Variants in ARHGAP24 observed in about 807,000 individuals in gnomAD.
ARHGAP24 encodes the protein Rho GTPase activating protein 24.
ARHGAP24 carries 50 observed loss-of-function variants against 76.4 expected under a neutral mutation model. The ratio of observed to expected loss-of-function variants is 0.65; its 90% CI spans 0.52 to 0.83. The LOEUF is 0.83. ARHGAP24 is among the 40% of genes least tolerant of loss of function. The pLI, the probability that ARHGAP24 is intolerant of heterozygous loss-of-function variation, is 0.00. For missense variants in ARHGAP24, 930 were observed against 914.2 expected, an observed-to-expected ratio of 1.02 and a Z score of -0.22; for synonymous variants, 345 against 323.3, an observed-to-expected ratio of 1.07 and a Z score of -0.72.
intron 3 of ARHGAP24, among the ~76,000 whole-genome samples, chr4:85,899,247 T>C (rs1457458371): frequency 6.6e-6 from 1 of 152,198 alleles, no homozygotes; most frequent in Non-Finnish European, 1.5e-5. Flanking sequence ...ATTAGATAGA[T>C]AGCTTGAAAT....
chr4:85,918,869 C>T (rs1054007312), intron 3 of ARHGAP24, among the ~76,000 whole-genome samples: 3 of 152,032 alleles, frequency 2.0e-5, no homozygotes, highest in Admixed American at 1.3e-4. Flanking sequence ...AGCATTGCTA[C>T]CAACAAGAGT....
intron 1 of ARHGAP24, among the ~76,000 whole-genome samples, chr4:85,498,512 G>A (rs1446206341): frequency 1.3e-5 from 2 of 152,206 alleles, no homozygotes; most frequent in African/African-American, 2.4e-5. Context: ...GCTCAGCCTC[G>A]TGCTGAACAG....
At chr4:85,808,857 T>C (rs1728898158) in intron 3 of ARHGAP24, among the ~76,000 whole-genome samples, 1 of 152,210 alleles carries the variant, frequency 6.6e-6, no homozygotes, top group East Asian at 1.9e-4. Flanking sequence ...AAAAAAAGTT[T>C]TCTTTGATGA....
intron 3 of ARHGAP24, among the ~76,000 whole-genome samples, chr4:85,793,844 C>T (rs1728231742): frequency 6.6e-6 from 1 of 152,084 alleles, no homozygotes; most frequent in African/African-American, 2.4e-5. Flanking sequence ...ATTTGTGATT[C>T]ATTGTAAGCA....
intron 3 of ARHGAP24, among the ~76,000 whole-genome samples, chr4:85,803,283 G>A (rs1728651249): frequency 6.6e-6 from 1 of 152,176 alleles, no homozygotes; most frequent in Non-Finnish European, 1.5e-5. Flanking sequence ...ACCAATTGAG[G>A]TTTCAGTGTA....
At chr4:85,880,808 A>T (rs1733210578) in intron 3 of ARHGAP24, among the ~76,000 whole-genome samples, 1 of 152,088 alleles carries the variant, frequency 6.6e-6, no homozygotes, top group Non-Finnish European at 1.5e-5. Context: ...CGATTACAGG[A>T]ATGCATAACT....
At chr4:85,484,075 G>T (rs1195253242) in intron 1 of ARHGAP24, among the ~76,000 whole-genome samples, 2 of 152,212 alleles carry the variant, frequency 1.3e-5, no homozygotes, top group Non-Finnish European at 2.9e-5. Flanking sequence ...TCCAGTGTTT[G>T]TGTGACTTCA....
At chr4:85,526,433 C>T (rs1724999494) in intron 1 of ARHGAP24, among the ~76,000 whole-genome samples, 2 of 149,950 alleles carry the variant, frequency 1.3e-5, no homozygotes, top group Admixed American at 6.6e-5. Flanking sequence ...TTTTTTTACA[C>T]TTCAATAGAG....
intron 3 of ARHGAP24, among the ~76,000 whole-genome samples, chr4:85,889,601 A>G (rs1264815658): frequency 2.0e-5 from 3 of 152,212 alleles, no homozygotes; most frequent in South Asian, 4.1e-4. Flanking sequence ...ATATTCATAC[A>G]TCTTCTTTCC....
At position 86,002,405 on chromosome 4, in the gene ARHGAP24, C is replaced by T. The variant is rs564392022; in HGVS notation, c.*1683C>T. ...AACCAGTTACTTCCACCTGGACATA[C>T]GATAGGAAATTCAAACTCAAAATAT... On this transcript the variant is annotated 3_prime_UTR_variant, in exon 10 of 10. Transcript: ENST00000395184. 3 of 152,252 alleles carry T rather than the reference C, an allele frequency of 2.0e-5. No homozygotes were observed. Among genetic ancestry groups the T allele is most frequent in the South Asian group, 2.1e-4 (1 of 4,820 alleles). 9.4% of individuals were successfully genotyped at this position (152,252 alleles called of 1,614,324 possible).
rs375304721 is a variant in ARHGAP24 at position 85,598,129 on chromosome 4, A to AG, written c.180+27409dup. ...GCCACACTATAAAGCAAAAAAATATAGAAACATCATGACTTCTCAAAAGAT... is the reference window on the plus strand; with the variant it reads ...GCCACACTATAAAGCAAAAAAATATAGGAAACATCATGACTTCTCAAAAGAT... On this transcript the variant is annotated intron_variant, in intron 2 of 9. Coordinates refer to ENST00000395184, the MANE Select transcript of ARHGAP24 (RefSeq NM_001025616.3). 2.9e-3 allele frequency among the ~76,000 whole-genome samples: 435 copies of AG among 152,222 alleles called. 1 individual carries two copies. Among genetic ancestry groups the AG allele is most frequent in the African/African-American group, 9.9e-3 (410 of 41,562 alleles).
At chr4:85,936,734 T>C (rs1736656961) in intron 4 of ARHGAP24, among the ~76,000 whole-genome samples, 1 of 152,084 alleles carries the variant, frequency 6.6e-6, no homozygotes, top group Non-Finnish European at 1.5e-5. Flanking sequence ...GATGAGGCAA[T>C]GGAATGTCAG....
At chr4:85,668,578 G>T (rs983264407) in intron 2 of ARHGAP24, among the ~76,000 whole-genome samples, 5 of 152,172 alleles carry the variant, frequency 3.3e-5, no homozygotes, top group Admixed American at 1.3e-4. Flanking sequence ...CTTTACTCTG[G>T]AATCAAAAGA....
intron 2 of ARHGAP24, among the ~76,000 whole-genome samples, chr4:85,635,645 C>T (rs1436451968): frequency 1.3e-5 from 2 of 151,812 alleles, no homozygotes; most frequent in Non-Finnish European, 2.9e-5. Context: ...CATTGCATAT[C>T]CCAGAAAGAA....
intron 9 of ARHGAP24, among the ~76,000 whole-genome samples, chr4:85,998,207 T>C (rs1054656666): frequency 1.3e-5 from 2 of 152,308 alleles, no homozygotes; most frequent in East Asian, 3.9e-4. Flanking sequence ...TTTATCAGTT[T>C]CTTTTTATAA....
At chr4:85,928,210 C>T (rs992590466) in intron 4 of ARHGAP24, among the ~76,000 whole-genome samples, 3 of 135,108 alleles carry the variant, frequency 2.2e-5, no homozygotes, top group South Asian at 4.8e-4. Flanking sequence ...GGGAAGGTTT[C>T]GTTTTCCTTC....
At chr4:85,773,522 T>A (rs1379684885) in intron 3 of ARHGAP24, among the ~76,000 whole-genome samples, 1 of 152,154 alleles carries the variant, frequency 6.6e-6, no homozygotes, top group Non-Finnish European at 1.5e-5. Flanking sequence ...TGTATTTTGG[T>A]TCTATCTCCT....
chr4:85,531,893 G>C (rs550364490), intron 1 of ARHGAP24, among the ~76,000 whole-genome samples: 5 of 152,022 alleles, frequency 3.3e-5, no homozygotes, highest in Non-Finnish European at 7.4e-5. Context: ...CAATTCCCAT[G>C]GGTCTGTGTT....
intron 3 of ARHGAP24, among the ~76,000 whole-genome samples, chr4:85,919,993 T>C (rs962332089): frequency 2.6e-5 from 4 of 152,242 alleles, no homozygotes; most frequent in African/African-American, 9.6e-5. Context: ...GCCATGTATA[T>C]GCATATTAAC....
Sources: gnomAD v4.1 joint callset for allele counts (sites outside exome capture counted in the v4.1 genomes callset) on GRCh38, gnomAD v4.1.1 for gene constraint, MANE v1.5 for transcripts, NCBI Gene and HGNC (gene_info 2026-07-23, HGNC 2026-07-21) for gene names.